Variants in RPS27A observed in about 807,000 individuals in gnomAD.
The protein encoded by RPS27A is ribosomal protein S27a.
Under a neutral mutation model 18.9 loss-of-function variants are expected in RPS27A, and 1 was observed. The observed-to-expected ratio is 0.05, with a 90% CI of 0.02 to 0.25. RPS27A has a LOEUF of 0.25. RPS27A is among the 10% of genes least tolerant of loss of function. RPS27A has a pLI of 1.00. For synonymous variants in RPS27A, 77 were observed against 63.7 expected (o/e 1.21, Z -0.99); for missense variants, 123 against 187.4 (o/e 0.66, Z 2.01).
chr2:55,235,371 AATT>A, intron 5 of RPS27A, 54 bp from the exon 6 acceptor site: 1 of 1,593,526 alleles, frequency 6.3e-7, no homozygotes, highest in East Asian at 2.2e-5. Flanking sequence ...GAGTCACTTA[AATT>A]AGACTTCAGA....
upstream of RPS27A, chr2:55,231,958 C>G (rs2028138): frequency 0.98 from 148,570 of 152,310 alleles, 72,504 homozygotes; most frequent in African/African-American, 0.99. Context: ...AGCAGGGAGG[C>G]GCTACAGGAG....
At chr2:55,234,762 A>C in intron 4 of RPS27A, 69 bp from the exon 5 acceptor site, 1 of 1,577,606 alleles carries the variant, frequency 6.3e-7, no homozygotes, top group Non-Finnish European at 8.7e-7. Flanking sequence ...TTAATTAGAA[A>C]ATGCATAATG....
At chr2:55,231,942 G>A (rs1399803224), upstream of RPS27A, 1 of 152,246 alleles carries the variant, frequency 6.6e-6, no homozygotes, top group African/African-American at 2.4e-5. Context: ...AGACTCGGCG[G>A]TTGAAAGCAG....
rs184094055 is a variant in RPS27A at position 55,233,074 on chromosome 2, G to A, written c.48+202G>A. On this transcript the variant is annotated intron_variant, in intron 2 of 5. Transcript: ENST00000272317. ...AAAGGCTGGACCTGTCTCCTCTCGA[G>A]GGGTTCCAGCTAGTTAGTTAAAACG... 265 of 663,920 alleles carry A rather than the reference G, an allele frequency of 4.0e-4. No homozygotes were observed. In the East Asian group the frequency reaches 5.6e-3, roughly 14 times the overall value. 41.1% of individuals were successfully genotyped at this position (663,920 alleles called of 1,614,324 possible). A position where few individuals can be genotyped will look rare whatever the true frequency, so the allele number is the denominator to read the frequency against.
chr2:55,232,400 C>G (rs1474427904), upstream of RPS27A: 1 of 282,054 alleles, frequency 3.5e-6, no homozygotes, highest in Non-Finnish European at 7.0e-6. Context: ...CCCCAAGAGG[C>G]CCCCCTCGAC....
At chr2:55,234,441 ATCT>A (rs1367949108) in intron 4 of RPS27A, 1 of 577,096 alleles carries the variant, frequency 1.7e-6, no homozygotes, top group Admixed American at 3.0e-5. Context: ...GGCATAAGTG[ATCT>A]TCCCACCGTG....
At chr2:55,234,736 T>C (rs1675706034) in intron 4 of RPS27A, 95 bp from the exon 5 acceptor site, 1 of 1,402,898 alleles carries the variant, frequency 7.1e-7, no homozygotes, top group Non-Finnish European at 1.0e-6. Flanking sequence ...AATGTTATTG[T>C]GTGCTGCTAC....
Position 55,234,212 on chromosome 2 carries a change from T to C in RPS27A, c.189+8T>C, listed in dbSNP as rs1242495049. On this transcript the variant is annotated splice_region_variant and intron_variant, in intron 4 of 5. Coordinates refer to ENST00000272317, the MANE Select transcript of RPS27A (RefSeq NM_002954.6). ...GACTACAATATTCAAAAGGTCTGTC[T>C]AGGGGAAGAGCAGCCTCTTTTAAAA... 6 of 1,574,690 alleles carry C rather than the reference T, an allele frequency of 3.8e-6. No individual in the cohort carries two copies. Among genetic ancestry groups the C allele is most frequent in the African/African-American group, 2.7e-5 (2 of 74,142 alleles).
At chr2:55,233,794 A>C (rs973113224) in intron 3 of RPS27A, 5 of 468,006 alleles carry the variant, frequency 1.1e-5, no homozygotes, top group Middle Eastern at 6.1e-4. Context: ...ATGCCTGGCT[A>C]ATTTATTGTA....
At chr2:55,235,124 G>GT (rs1349387624) in intron 5 of RPS27A, 162 bp downstream of exon 5, 1 of 841,180 alleles carries the variant, frequency 1.2e-6, no homozygotes, top group African/African-American at 1.7e-5. Context: ...ACTTTCTGGG[G>GT]TTTTTCCTGT....
At chr2:55,233,149 G>T in intron 2 of RPS27A, 3 of 650,076 alleles carry the variant, frequency 4.6e-6, no homozygotes, top group South Asian at 1.8e-5. Context: ...GTGCGAGCAC[G>T]TGTGGCCCTG....
rs1482789339 is a variant in RPS27A, at chr2:55,235,093, T to G, written c.321+131T>G. 5.0e-6 allele frequency: 5 copies of G among 1,007,034 alleles called. No individual in the cohort carries two copies. The Admixed American group carries it at 1.1e-4, about 22-fold the overall frequency. The allele number at this position is 1,007,034 out of a possible 1,614,324, so 62.4% of individuals were successfully genotyped here. On this transcript the variant is annotated intron_variant, in intron 5 of 5. Transcript: ENST00000272317. ...ATCCCACTTTGGTTTAAATGAGGTA[T>G]TCTGGAAATGAGAAATTCAGACTTT...
At chr2:55,232,620 G>A, upstream of RPS27A, 1 of 627,412 alleles carries the variant, frequency 1.6e-6, no homozygotes, top group Non-Finnish European at 2.9e-6. Context: ...CATTTGGTGT[G>A]GTCGCCTAAG....
chr2:55,235,033 T>A, intron 5 of RPS27A, 71 bp downstream of exon 5: 1 of 1,530,982 alleles, frequency 6.5e-7, no homozygotes, highest in Non-Finnish European at 8.9e-7. Flanking sequence ...TTATAGTACT[T>A]GTCAATATTT....
At chr2:55,233,675 G>A in intron 3 of RPS27A, 1 of 521,236 alleles carries the variant, frequency 1.9e-6, no homozygotes, top group Non-Finnish European at 3.5e-6. Context: ...TGTCGCCCAG[G>A]CTGGAGTGCA....
chr2:55,232,400 C>T (rs1474427904), upstream of RPS27A: 7 of 281,938 alleles, frequency 2.5e-5, no homozygotes, highest in Non-Finnish European at 4.2e-5. Flanking sequence ...CCCCAAGAGG[C>T]CCCCCTCGAC....
chr2:55,233,557 CAT>C, intron 3 of RPS27A, 140 bp downstream of exon 3: 1 of 702,024 alleles, frequency 1.4e-6, no homozygotes, highest in Non-Finnish European at 2.6e-6. Context: ...ACACAATAGA[CAT>C]TGGTGATCGG....
rs766514729 is a variant in RPS27A, at chr2:55,234,089, T to C, written c.104-30T>C. 3 of 1,473,090 alleles carry C rather than the reference T, an allele frequency of 2.0e-6. No individual in the cohort carries two copies. In the Admixed American group the frequency reaches 5.0e-5, roughly 25 times the overall value. The allele number at this position is 1,473,090 out of a possible 1,614,324, so 91.3% of individuals were successfully genotyped here. ...GGAGCACATCACAGGCTTGGTGTGC[T>C]GTGACTTAATTTTTGTTTTTTGTCA... On this transcript the variant is annotated intron_variant, in intron 3 of 5. Coordinates refer to ENST00000272317, the MANE Select transcript of RPS27A (RefSeq NM_002954.6).
chr2:55,233,072 G>C (rs888413463), intron 2 of RPS27A, 200 bp downstream of exon 2: 1 of 665,102 alleles, frequency 1.5e-6, no homozygotes, highest in Non-Finnish European at 2.8e-6. Context: ...GTCTCCTCTC[G>C]AGGGGTTCCA....
Sources: gnomAD v4.1 joint callset for allele counts on GRCh38, gnomAD v4.1.1 for gene constraint, MANE v1.5 for transcripts, NCBI Gene and HGNC (gene_info 2026-07-23, HGNC 2026-07-21) for gene names.